TTLL8: variants seen among roughly 807,000 people sequenced by gnomAD.
TTLL8 encodes tubulin tyrosine ligase like 8, also known as protein monoglycylase TTLL8.
In TTLL8, 65 loss-of-function variants were observed where a neutral mutation model predicts 77.8. That is an observed-to-expected ratio of 0.84 (90% CI 0.68 to 1.03). The LOEUF is 1.03. Ranked by LOEUF, TTLL8 falls within the 50% of genes least tolerant of loss-of-function variation. The probability of loss-of-function intolerance (pLI) is 0.00; values close to 1 mark genes in which losing one functional copy is unlikely to be tolerated. For synonymous variants in TTLL8, 402 were observed against 422.8 expected, an observed-to-expected ratio of 0.95 and a Z score of 0.60; for missense variants, 910 against 1,004.5, an observed-to-expected ratio of 0.91 and a Z score of 1.27.
At chr22:50,027,781 A>G (rs917900065) in intron 12 of TTLL8, 1 of 985,458 alleles carries the variant, frequency 1.0e-6, no homozygotes. Flanking sequence ...GGCGAGCACT[A>G]GCCTGAGGCC....
intron 6 of TTLL8, 76 bp downstream of exon 8, chr22:50,045,179 C>G: frequency 7.8e-7 from 1 of 1,279,278 alleles, no homozygotes; most frequent in Middle Eastern, 3.2e-4. Context: ...ACTGACCACA[C>G]CCAGGAGGCG....
Position 50,041,713 on chromosome 22 carries a change from C to A in TTLL8, c.738G>T (p.Glu246Asp), listed in dbSNP as rs759965914. ...CTGCTGACGTGTCGATGTCCTCATGCTCCAGCTGCCCCAGGTAGGCCTGGC... is the reference window on the plus strand; with the variant it reads ...CTGCTGACGTGTCGATGTCCTCATGATCCAGCTGCCCCAGGTAGGCCTGGC... Residue 246 changes from glutamate to aspartate, a missense_variant, in exon 7 of 14, where the codon GAG becomes GAT. Coordinates refer to ENST00000266182, the Ensembl canonical transcript of TTLL8. The surrounding 1 kb of genome is among the most constrained non-coding windows in gnomAD (Gnocchi z 4.3). 7.3e-7 allele frequency: 1 copy of A among 1,366,592 alleles called. No individual in the cohort carries two copies. The highest frequency in any genetic ancestry group is 9.8e-7 in the Non-Finnish European group (1 of 1,021,504). 84.7% of individuals were successfully genotyped at this position (1,366,592 alleles called of 1,614,324 possible).
intron 12 of TTLL8, among the ~76,000 whole-genome samples, chr22:50,022,709 C>T (rs2061212243): frequency 6.6e-6 from 1 of 152,210 alleles, no homozygotes; most frequent in Non-Finnish European, 1.5e-5. Flanking sequence ...AACTCCTGCC[C>T]ACTCTTAACT....
chr22:50,049,007 G>A (rs2061428853), intron 3 of TTLL8, among the ~76,000 whole-genome samples: 1 of 152,252 alleles, frequency 6.6e-6, no homozygotes, highest in Non-Finnish European at 1.5e-5. Context: ...TGTGGGTGGA[G>A]GGGAGCTGGG....
At chr22:50,055,430 G>C (rs1050045064), upstream of TTLL8, 3 of 778,056 alleles carry the variant, frequency 3.9e-6, no homozygotes, top group Non-Finnish European at 5.4e-6. Flanking sequence ...GAGGTGGTTG[G>C]ATCACCTGAG....
chr22:50,057,194 CAGGTCTGGATTA>C (rs1321735888), upstream of TTLL8, among the ~76,000 whole-genome samples: 3 of 102,112 alleles, frequency 2.9e-5, no homozygotes, highest in African/African-American at 1.2e-4. Context: ...GGTTGGGGGT[CAGGTCTGGATTA>C]GGGGTCAGCT....
intron 11 of TTLL8, 100 bp from the exon 13 acceptor site, chr22:50,031,025 C>CAG: frequency 9.2e-7 from 1 of 1,088,430 alleles, no homozygotes; most frequent in Non-Finnish European, 1.2e-6. Flanking sequence ...GGGCACAGAC[C>CAG]CCCACCTGAC....
upstream of TTLL8, among the ~76,000 whole-genome samples, chr22:50,054,940 G>A (rs970020863): frequency 1.3e-5 from 2 of 152,100 alleles, no homozygotes; most frequent in African/African-American, 4.8e-5. Flanking sequence ...TGCACCTGTA[G>A]TCCCAGCTAC....
At chr22:50,039,877 T>C (rs1046227195) in intron 8 of TTLL8, among the ~76,000 whole-genome samples, 21 of 150,274 alleles carry the variant, frequency 1.4e-4, no homozygotes, top group African/African-American at 5.2e-4. Context: ...ACCTCATGTG[T>C]GTCGGTGTGG....
chr22:50,040,393 A>C (rs1283881037), intron 8 of TTLL8, among the ~76,000 whole-genome samples: 1 of 152,278 alleles, frequency 6.6e-6, no homozygotes, highest in Non-Finnish European at 1.5e-5. Flanking sequence ...GACCTCACAG[A>C]TTTCATGTTG....
At chr22:50,031,578 A>G in intron 11 of TTLL8, 108 bp downstream of exon 12, 1 of 1,192,214 alleles carries the variant, frequency 8.4e-7, no homozygotes, top group Non-Finnish European at 1.1e-6. Context: ...TCCTCCATAG[A>G]CCCCGCTGCA....
Position 50,034,578 on chromosome 22 carries a change from C to G in TTLL8, c.922-116G>C, listed in dbSNP as rs1014433079. 1 of 1,139,024 alleles carries G rather than the reference C, an allele frequency of 8.8e-7. No homozygotes were observed. 70.6% of individuals were successfully genotyped at this position (1,139,024 alleles called of 1,614,324 possible). ...CCGCCTCACCCACCAAGCAGGCGCT[C>G]GGCTCTAGGATGGTCTGGGGCTGGC... On this transcript the variant is annotated intron_variant, in intron 8 of 13. Transcript: ENST00000266182. This position sits in a 1 kb window ranked among gnomAD's most constrained non-coding sequence, Gnocchi z 4.1.
chr22:50,040,145 G>C (rs961087879), intron 8 of TTLL8, among the ~76,000 whole-genome samples: 8 of 150,758 alleles, frequency 5.3e-5, no homozygotes, highest in African/African-American at 2.0e-4. Flanking sequence ...ACATGTGCCA[G>C]TGTGGATGGA....
chr22:50,033,510 GC>G, intron 9 of TTLL8, 65 bp from the exon 11 acceptor site: 1 of 1,300,202 alleles, frequency 7.7e-7, no homozygotes, highest in Middle Eastern at 2.2e-4. Flanking sequence ...GAGCTCCTGA[GC>G]CCTGGGGCAG....
chr22:50,047,195 G>T lies in TTLL8; in HGVS notation c.366C>A (p.Tyr122Ter), dbSNP rs373166430. ...TGGTGGTGAAGGAGGCTGTCTTTGCGTAGTGGTTCAGCATCTGGTCGTAGG... is the reference window on the plus strand; with the variant it reads ...TGGTGGTGAAGGAGGCTGTCTTTGCTTAGTGGTTCAGCATCTGGTCGTAGG... Residue 122 changes from tyrosine (Y) to a stop codon, truncating the protein, a stop_gained, in exon 4 of 14, where the codon TAC (tyrosine) becomes TAA (stop). Coordinates refer to ENST00000266182, the Ensembl canonical transcript of TTLL8. LOFTEE classifies it high-confidence loss of function. 7.3e-7 allele frequency: 1 copy of T among 1,367,424 alleles called. No individual in the cohort carries two copies. Among genetic ancestry groups the T allele is most frequent in the African/African-American group, 1.5e-5 (1 of 67,748 alleles). The allele number at this position is 1,367,424 out of a possible 1,614,324, so 84.7% of individuals were successfully genotyped here.
chr22:50,033,442 A>G (rs1011602361), exon 10 of TTLL8: 3 of 1,361,478 alleles, frequency 2.2e-6, no homozygotes, highest in East Asian at 4.6e-5. Flanking sequence ...CATGCACACT[A>G]TGTCTGCAAG....
chr22:50,033,683 G>A (rs2061315432), intron 9 of TTLL8, among the ~76,000 whole-genome samples: 2 of 152,204 alleles, frequency 1.3e-5, no homozygotes, highest in Non-Finnish European at 1.5e-5. Flanking sequence ...ACCAGCCTCT[G>A]AGACCCCAGA....
chr22:50,027,466 G>A (rs2061236998), intron 12 of TTLL8: 1 of 240,402 alleles, frequency 4.2e-6, no homozygotes, highest in African/African-American at 2.3e-5. Context: ...CCCGGGATAT[G>A]GAGGTTGCAG....
chr22:50,031,092 G>A (rs1389441524), intron 11 of TTLL8, among the ~76,000 whole-genome samples, 167 bp from the exon 13 acceptor site: 1 of 152,138 alleles, frequency 6.6e-6, no homozygotes, highest in Non-Finnish European at 1.5e-5. Flanking sequence ...AGGCCCCCAG[G>A]CTCTGGAGAA....
Sources: allele counts gnomAD v4.1 joint callset (sites outside exome capture counted in the v4.1 genomes callset), GRCh38; gene constraint gnomAD v4.1.1; non-coding constraint Gnocchi (gnomAD v3.1); transcripts MANE v1.5; gene names NCBI Gene and HGNC (gene_info 2026-07-23, HGNC 2026-07-21).